Variants in MYO1E observed in about 807,000 individuals in gnomAD.
MYO1E encodes myosin IE, also known as unconventional myosin-Ie.
Under a neutral mutation model 151.1 loss-of-function variants are expected in MYO1E, and 68 were observed. That is an observed-to-expected ratio of 0.45 (90% CI 0.37 to 0.55). The LOEUF is 0.55. MYO1E is among the 20% of genes least tolerant of loss of function. The pLI is 0.00. For missense variants in MYO1E, 1,363 were observed against 1,389.3 expected (o/e 0.98, Z 0.30); for synonymous variants, 601 against 501.7 (o/e 1.20, Z -2.64).
intron 1 of MYO1E, among the ~76,000 whole-genome samples, chr15:59,329,190 T>C (rs1297405103): frequency 6.6e-6 from 1 of 152,226 alleles, no homozygotes; most frequent in Non-Finnish European, 1.5e-5. Context: ...CTGGAGGCAC[T>C]GGGAAGACAG....
chr15:59,319,634 G>T (rs6494098), intron 1 of MYO1E, among the ~76,000 whole-genome samples: 147,130 of 147,130 alleles, frequency 1, 73,565 homozygotes, highest in Non-Finnish European at 1. Flanking sequence ...CCAGGCACGG[G>T]GGTTCATGCC....
intron 22 of MYO1E, among the ~76,000 whole-genome samples, chr15:59,167,376 G>A (rs2079568605): frequency 6.6e-6 from 1 of 151,946 alleles, no homozygotes; most frequent in South Asian, 2.1e-4. Flanking sequence ...CCCCAAATAA[G>A]AGCTTCCATG....
At position 59,353,769 on chromosome 15, in the gene MYO1E, A is replaced by G. The variant is rs1312595425; in HGVS notation, c.3+18729T>C. ...CAAAACTCCGTCTCAAAAAAAAAAA[A>G]AAACAAAGAAAGAAAAAAACGCAAA... On this transcript the variant is annotated intron_variant, in intron 1 of 27. Coordinates refer to ENST00000288235, the MANE Select transcript of MYO1E (RefSeq NM_004998.4). Among the ~76,000 whole-genome samples, 11 of 147,888 alleles carry G rather than the reference A, an allele frequency of 7.4e-5. 1 individual carries two copies. The highest frequency in any genetic ancestry group is 1.7e-4 in the Non-Finnish European group (11 of 66,084).
At chr15:59,189,257 G>A (rs375300056) in intron 17 of MYO1E, among the ~76,000 whole-genome samples, 2 of 152,142 alleles carry the variant, frequency 1.3e-5, no homozygotes, top group South Asian at 2.1e-4. Context: ...ACAGGGTTTC[G>A]CCACTTTGCC....
chr15:59,297,437 A>ATTTTTTTTTTTTT (rs755470049), intron 1 of MYO1E, among the ~76,000 whole-genome samples: 11,695 of 62,696 alleles, frequency 0.19, 2,991 homozygotes, highest in Non-Finnish European at 0.34. Context: ...CACCCAGCTA[A>ATTTTTTTTTTTTT]TTTTTTTTTT....
chr15:59,297,729 C>T (rs1259619986), intron 1 of MYO1E, among the ~76,000 whole-genome samples: 1 of 151,718 alleles, frequency 6.6e-6, no homozygotes, highest in Non-Finnish European at 1.5e-5. Context: ...TACAGGTGTG[C>T]ACTACCATGC....
In MYO1E at chr15:59,372,332, G is replaced by A. The variant is rs76926293; in HGVS notation, c.3+166C>T. Among the ~76,000 whole-genome samples the A allele has an allele frequency of 0.019, 2,850 of 152,212 alleles. 44 individuals are homozygous for A. Among genetic ancestry groups the A allele is most frequent in the South Asian group, 0.042 (200 of 4,816 alleles). On this transcript the variant is annotated intron_variant, in intron 1 of 27. Transcript: ENST00000288235. ...CCCCTCGCTCGCTCTCCCCCGGCCC[G>A]GGTTTACGGAAAGCGGCAGGAAATC...
At chr15:59,302,546 A>G (rs1358630198) in intron 1 of MYO1E, among the ~76,000 whole-genome samples, 1 of 152,136 alleles carries the variant, frequency 6.6e-6, no homozygotes, top group African/African-American at 2.4e-5. Context: ...TGTGTCTAGG[A>G]CTCATCTGTA....
chr15:59,281,276 C>CTTT lies in MYO1E; in HGVS notation c.4-8830_4-8828dup, dbSNP rs1462934359. On this transcript the variant is annotated intron_variant, in intron 1 of 27. Transcript: ENST00000288235. The stretch of plus-strand genomic sequence containing the variant: ...TTTCCTTTTCTTTTCTTTTTCTTTT[C>CTTT]TTTCTTTTTTTTTTTCTGAGAAAGA... Among the ~76,000 whole-genome samples, 17 of 148,588 alleles carry CTTT rather than the reference C, an allele frequency of 1.1e-4. 1 individual carries two copies. Among genetic ancestry groups the CTTT allele is most frequent in the African/African-American group, 3.8e-4 (15 of 39,730 alleles).
chr15:59,256,310 G>A lies in MYO1E; in HGVS notation c.306C>T (p.Asp102=), dbSNP rs577500183. Residue 102 remains aspartate (D), a synonymous_variant, in exon 4 of 28, where the codon GAC becomes GAT. Coordinates refer to ENST00000288235, the MANE Select transcript of MYO1E (RefSeq NM_004998.4). ...TGATAATGACGCACTGGTTCTCTCT[G>A]TCAATGATCATGTTTCTGTACATAT... is the stretch of plus-strand genomic sequence containing the variant. ...ADNMYRNMII[D]RENQCVIISG... 6.2e-7 allele frequency: 1 copy of A among 1,610,362 alleles called. No individual in the cohort carries two copies. Among genetic ancestry groups the A allele is most frequent in the Admixed American group, 1.7e-5 (1 of 60,002 alleles).
intron 10 of MYO1E, among the ~76,000 whole-genome samples, chr15:59,215,195 A>G (rs1353599360): frequency 6.6e-6 from 1 of 152,144 alleles, no homozygotes; most frequent in Admixed American, 6.5e-5. Context: ...GCGCTTATAG[A>G]GAGGGTGAGC....
intron 8 of MYO1E, among the ~76,000 whole-genome samples, chr15:59,224,183 G>A (rs1208951178): frequency 7.9e-5 from 12 of 152,154 alleles, no homozygotes; most frequent in African/African-American, 2.7e-4. Flanking sequence ...TCACAGCTTG[G>A]ACCATAACAT....
chr15:59,241,422 T>C (rs1343766212), intron 4 of MYO1E, among the ~76,000 whole-genome samples: 1 of 152,246 alleles, frequency 6.6e-6, no homozygotes, highest in African/African-American at 2.4e-5. Flanking sequence ...CTGGGTGCAG[T>C]GGCTCACGCC....
intron 1 of MYO1E, among the ~76,000 whole-genome samples, chr15:59,335,707 C>G (rs1284452374): frequency 6.6e-6 from 1 of 152,182 alleles, no homozygotes; most frequent in Non-Finnish European, 1.5e-5. Flanking sequence ...AGATAGGCCA[C>G]TGCTAAGCAG....
At chr15:59,312,713 A>C (rs2080560043) in intron 1 of MYO1E, among the ~76,000 whole-genome samples, 1 of 152,130 alleles carries the variant, frequency 6.6e-6, no homozygotes, top group Non-Finnish European at 1.5e-5. Context: ...CAACACCAGG[A>C]AACTTGTTAG....
At chr15:59,186,955 C>T (rs1258156169) in intron 18 of MYO1E, among the ~76,000 whole-genome samples, 1 of 152,066 alleles carries the variant, frequency 6.6e-6, no homozygotes, top group Non-Finnish European at 1.5e-5. Flanking sequence ...CTGCCAAATA[C>T]ATGTTAAGGG....
intron 18 of MYO1E, among the ~76,000 whole-genome samples, chr15:59,180,423 TAC>T (rs1225696058): frequency 3.3e-5 from 5 of 152,118 alleles, no homozygotes. Flanking sequence ...CTTCTGAGAG[TAC>T]AGTTTTGCTT....
rs2079930750 is a variant in MYO1E, at chr15:59,218,044, C to T, written c.954G>A (p.Arg318=). The part of the protein sequence containing the change: ...PAYLLGINQD[R]LKEKLTSRQM... ...GCCGGCTTGTTAGCTTTTCTTTCAA[C>T]CGGTCCTGGTTTATCCCTAGCAGAT... Residue 318 remains arginine, a synonymous_variant, in exon 10 of 28, where the codon CGG becomes CGA. Transcript: ENST00000288235. The T allele has an allele frequency of 3.1e-6, 5 of 1,614,186 alleles. No homozygotes were observed. The highest frequency in any genetic ancestry group is 4.2e-6 in the Non-Finnish European group (5 of 1,180,044).
intron 1 of MYO1E, among the ~76,000 whole-genome samples, chr15:59,361,831 TATTA>T (rs1477057502): frequency 2.0e-5 from 3 of 152,040 alleles, no homozygotes; most frequent in African/African-American, 4.8e-5. Context: ...TTAATTAATT[TATTA>T]ATTAATTTAT....
Sources: gnomAD v4.1 joint callset for allele counts (sites outside exome capture counted in the v4.1 genomes callset) on GRCh38, gnomAD v4.1.1 for gene constraint, MANE v1.5 for transcripts, NCBI Gene and HGNC (gene_info 2026-07-23, HGNC 2026-07-21) for gene names.